Variants in ZCCHC2 observed in about 807,000 individuals in gnomAD.
ZCCHC2 encodes the protein zinc finger CCHC domain-containing protein 2.
A neutral mutation model predicts 103.6 loss-of-function variants in ZCCHC2; 39 were observed. The ratio of observed to expected loss-of-function variants is 0.38; its 90% confidence interval spans 0.29 to 0.49. The LOEUF (loss-of-function observed/expected upper bound fraction) is 0.49, where lower values mean the gene tolerates loss of function less well. Ranked by LOEUF, ZCCHC2 falls within the 20% of genes least tolerant of loss-of-function variation. The pLI, the probability that ZCCHC2 is intolerant of heterozygous loss-of-function variation, is 0.96. For synonymous variants in ZCCHC2, 687 were observed against 608.9 expected, an observed-to-expected ratio of 1.13 and a Z score of -1.89; for missense variants, 1,483 against 1,491.0, an observed-to-expected ratio of 0.99 and a Z score of 0.09.
At chr18:62,525,339 A>C (rs1914333481) in intron 1 of ZCCHC2, 1 of 49,262 alleles carries the variant, frequency 2.0e-5, no homozygotes, top group African/African-American at 2.6e-4. Flanking sequence ...TTCCATGGGA[A>C]GGTGGGGAGT....
At chr18:62,540,702 C>T (rs561567498) in intron 2 of ZCCHC2, among the ~76,000 whole-genome samples, 4 of 151,914 alleles carry the variant, frequency 2.6e-5, no homozygotes, top group South Asian at 2.1e-4. Context: ...TTTAGAAGAA[C>T]GTAGAGATTA....
In ZCCHC2 at chr18:62,550,380, C is replaced by G. The variant is rs995379931; in HGVS notation, c.1233C>G (p.Asp411Glu). The G allele has an allele frequency of 6.2e-6, 10 of 1,613,794 alleles. No individual in the cohort carries two copies. Among genetic ancestry groups the G allele is most frequent in the Non-Finnish European group, 8.5e-6 (10 of 1,179,826 alleles). Residue 411 changes from aspartate to glutamate, a missense_variant, in exon 5 of 14, where the codon GAC (aspartate) becomes GAG (glutamate). Coordinates refer to ENST00000269499, the MANE Select transcript of ZCCHC2 (RefSeq NM_017742.6). ...LPKELSSETF[D>E]KTILRALNQG... Reference sequence around the variant, plus strand: ...AGGAACTGTCTTCAGAGACTTTTGACAAGACCATCTTAAGAGCCCTGAATC... The same window carrying G: ...AGGAACTGTCTTCAGAGACTTTTGAGAAGACCATCTTAAGAGCCCTGAATC...
intron 11 of ZCCHC2, among the ~76,000 whole-genome samples, chr18:62,567,388 G>A (rs1316756461): frequency 6.6e-6 from 1 of 152,106 alleles, no homozygotes; most frequent in African/African-American, 2.4e-5. Context: ...TTTAGCTTAA[G>A]ATTTGTATTG....
At chr18:62,533,895 T>G (rs1048942925) in intron 1 of ZCCHC2, among the ~76,000 whole-genome samples, 1 of 134,880 alleles carries the variant, frequency 7.4e-6, no homozygotes, top group African/African-American at 2.8e-5. Flanking sequence ...AAAAAAAGAC[T>G]AAGTATATCA....
chr18:62,560,316 GT>G (rs1916062614), intron 7 of ZCCHC2: 2 of 300,444 alleles, frequency 6.7e-6, no homozygotes, highest in Non-Finnish European at 1.2e-5. Flanking sequence ...GGATGTTTTA[GT>G]TTTGTAGGGA....
In ZCCHC2 at chr18:62,523,384, C is replaced by G. The variant is rs1914139198; in HGVS notation, c.-41C>G. The G allele has an allele frequency of 2.3e-6, 2 of 885,988 alleles. No homozygotes were observed. Among genetic ancestry groups the G allele is most frequent in the East Asian group, 1.1e-4 (1 of 9,254 alleles). 54.9% of individuals were successfully genotyped at this position (885,988 alleles called of 1,614,324 possible). ...CCGTGCTCCACCTCGCGGCCCCTCCCGCCCGCCCCCGCTCGCATGTCTGCG... is the reference window on the plus strand; with the variant it reads ...CCGTGCTCCACCTCGCGGCCCCTCCGGCCCGCCCCCGCTCGCATGTCTGCG... On this transcript the variant is annotated 5_prime_UTR_variant, in exon 1 of 14. Transcript: ENST00000269499.
Position 62,536,410 on chromosome 18 carries a change from CTT to C in ZCCHC2, c.940-3268_940-3267del, listed in dbSNP as rs575939424. On this transcript the variant is annotated intron_variant, in intron 1 of 13. Transcript: ENST00000269499. ...ATCCACTTTTCTCGTGGTCCTGACACTTTTCTCCAACTAGTCTTTGTAAAATA... is the reference window on the plus strand; with the variant it reads ...ATCCACTTTTCTCGTGGTCCTGACACTTCTCCAACTAGTCTTTGTAAAATA... 7.2e-4 allele frequency among the ~76,000 whole-genome samples: 109 copies of C among 152,334 alleles called. No homozygotes were observed. The South Asian group carries it at 8.1e-3, about 11-fold the overall frequency.
intron 5 of ZCCHC2, 45 bp from the exon 6 acceptor site, chr18:62,556,158 T>A: frequency 6.8e-7 from 1 of 1,480,046 alleles, no homozygotes; most frequent in Non-Finnish European, 9.2e-7. Context: ...TCTTGTGGAT[T>A]AACATTACCT....
At chr18:62,524,601 C>T (rs1055183707) in intron 1 of ZCCHC2, 7 of 538,720 alleles carry the variant, frequency 1.3e-5, no homozygotes, top group African/African-American at 1.0e-4. Flanking sequence ...ACAGAATGCT[C>T]TAGAAGTCCC....
At chr18:62,542,437 GTAAGTGAAA>G (rs1474279278) in intron 2 of ZCCHC2, 52 bp from the exon 3 acceptor site, 1 of 1,358,702 alleles carries the variant, frequency 7.4e-7, no homozygotes, top group Non-Finnish European at 1.0e-6. Flanking sequence ...GTTACTTTAG[GTAAGTGAAA>G]TGTGTCTATA....
chr18:62,566,466 A>T (rs1290197475), intron 11 of ZCCHC2, among the ~76,000 whole-genome samples: 1 of 152,126 alleles, frequency 6.6e-6, no homozygotes, highest in Non-Finnish European at 1.5e-5. Context: ...GGACATTTGG[A>T]GATTGATGCT....
chr18:62,536,000 C>T (rs187991222), intron 1 of ZCCHC2, among the ~76,000 whole-genome samples: 3 of 152,298 alleles, frequency 2.0e-5, no homozygotes, highest in Admixed American at 6.5e-5. Flanking sequence ...CGAGGGACTA[C>T]AAGAACCATG....
chr18:62,528,560 C>T (rs1401935367), intron 1 of ZCCHC2, among the ~76,000 whole-genome samples: 1 of 149,862 alleles, frequency 6.7e-6, no homozygotes, highest in Admixed American at 6.6e-5. Context: ...GGTGGCGCCA[C>T]TGCACTCTAG....
intron 7 of ZCCHC2, 132 bp from the exon 8 acceptor site, chr18:62,560,455 A>C: frequency 1.6e-6 from 1 of 608,354 alleles, no homozygotes; most frequent in Non-Finnish European, 2.8e-6. Flanking sequence ...GATGTCTTCT[A>C]TGTTGAGAAA....
chr18:62,571,986 G>A (rs536183595), intron 12 of ZCCHC2, among the ~76,000 whole-genome samples: 114 of 152,312 alleles, frequency 7.5e-4, no homozygotes, highest in African/African-American at 2.7e-3. Context: ...AGGCAACACT[G>A]TACTTCTAAT....
chr18:62,534,621 T>G (rs1251882454), intron 1 of ZCCHC2, among the ~76,000 whole-genome samples: 1 of 152,212 alleles, frequency 6.6e-6, no homozygotes, highest in East Asian at 1.9e-4. Flanking sequence ...TTGGGGAATT[T>G]TTATGTTTCT....
intron 12 of ZCCHC2, among the ~76,000 whole-genome samples, chr18:62,572,314 C>G (rs1276324684): frequency 6.6e-6 from 1 of 152,230 alleles, no homozygotes; most frequent in African/African-American, 2.4e-5. Context: ...GCAGGTGACT[C>G]TGTGGCTCAC....
At chr18:62,535,420 C>T (rs1914877161) in intron 1 of ZCCHC2, among the ~76,000 whole-genome samples, 1 of 152,152 alleles carries the variant, frequency 6.6e-6, no homozygotes, top group African/African-American at 2.4e-5. Context: ...ACAGAATTAC[C>T]CCCAAACTTA....
chr18:62,560,419 T>G (rs1474386364), intron 7 of ZCCHC2, 168 bp from the exon 8 acceptor site: 2 of 459,078 alleles, frequency 4.4e-6, no homozygotes, highest in Non-Finnish European at 7.8e-6. Flanking sequence ...ATTCAGAGTT[T>G]ACTGTGTTTT....
Sources: gnomAD v4.1 joint callset for allele counts (sites outside exome capture counted in the v4.1 genomes callset) on GRCh38, gnomAD v4.1.1 for gene constraint, MANE v1.5 for transcripts, NCBI Gene and HGNC (gene_info 2026-07-23, HGNC 2026-07-21) for gene names.